The following PTPRD variants were observed in gnomAD, a reference collection of about 807,000 sequenced individuals.
The protein encoded by PTPRD is receptor-type tyrosine-protein phosphatase delta.
A neutral mutation model predicts 214.5 loss-of-function variants in PTPRD; 34 were observed. That is an observed-to-expected ratio of 0.16 (90% CI 0.12 to 0.21). PTPRD has a LOEUF of 0.21. Among genes scored for constraint, PTPRD ranks in the 10% least tolerant of loss-of-function variants. The pLI is 1.00. For missense variants in PTPRD, 2,545 were observed against 2,398.7 expected, an observed-to-expected ratio of 1.06 and a Z score of -1.27; for synonymous variants, 1,128 against 845.7, an observed-to-expected ratio of 1.33 and a Z score of -5.79.
In PTPRD at chr9:10,107,457, A is replaced by G. The variant is rs962587993; in HGVS notation, c.-544-73667T>C. On this transcript the variant is annotated intron_variant, in intron 3 of 45. Coordinates refer to ENST00000381196, the MANE Select transcript of PTPRD (RefSeq NM_002839.4). The stretch of plus-strand genomic sequence containing the variant: ...AAGCAGCCCTGGAATTGCCGTTAGA[A>G]TGACCCCCAGAGTTTATTGATTAAC... Among the ~76,000 whole-genome samples the G allele has an allele frequency of 3.9e-5, 6 of 152,028 alleles. 1 individual carries two copies. The highest frequency in any genetic ancestry group is 2.0e-4 in the Admixed American group (3 of 15,252).
At position 10,064,555 on chromosome 9, in the gene PTPRD, A is replaced by G. The variant is rs79947180; in HGVS notation, c.-544-30765T>C. Among the ~76,000 whole-genome samples, 112 of 152,054 alleles carry G rather than the reference A, an allele frequency of 7.4e-4. No individual in the cohort carries two copies. The East Asian group carries it at 0.015, about 21-fold the overall frequency. On this transcript the variant is annotated intron_variant, in intron 3 of 45. Transcript: ENST00000381196. ...GTCTATCATTTTAAGCACCATCATCACAAATTCTACAAGCCTGAACCTCTC... is the reference window on the plus strand; with the variant it reads ...GTCTATCATTTTAAGCACCATCATCGCAAATTCTACAAGCCTGAACCTCTC...
chr9:9,822,121 A>G (rs2050963161), intron 5 of PTPRD, among the ~76,000 whole-genome samples: 1 of 151,358 alleles, frequency 6.6e-6, no homozygotes, highest in African/African-American at 2.4e-5. Context: ...TTATAAATAT[A>G]GATAGAATAG....
chr9:9,068,502 A>G (rs1050846982), intron 10 of PTPRD, among the ~76,000 whole-genome samples: 3 of 151,704 alleles, frequency 2.0e-5, no homozygotes, highest in Non-Finnish European at 4.4e-5. Flanking sequence ...TCTGACATTC[A>G]CTATCATCTA....
intron 36 of PTPRD, among the ~76,000 whole-genome samples, chr9:8,391,417 T>C (rs560711985): frequency 2.6e-5 from 4 of 152,214 alleles, no homozygotes; most frequent in Admixed American, 2.0e-4. Context: ...CAAGAAGCAG[T>C]TGGGGTTTTG....
At chr9:9,459,530 A>G (rs1303602926) in intron 8 of PTPRD, among the ~76,000 whole-genome samples, 1 of 152,124 alleles carries the variant, frequency 6.6e-6, no homozygotes, top group East Asian at 1.9e-4. Context: ...TTAATACACA[A>G]AAATCAATTC....
intron 4 of PTPRD, among the ~76,000 whole-genome samples, chr9:10,001,757 C>T (rs768673391): frequency 1.6e-4 from 25 of 152,000 alleles, no homozygotes; most frequent in African/African-American, 2.9e-4. Flanking sequence ...TAAAGGAATT[C>T]GTCACTAGTA....
chr9:8,994,299 T>C lies in PTPRD; in HGVS notation c.-104+24398A>G, dbSNP rs77551961. 7.2e-3 allele frequency among the ~76,000 whole-genome samples: 1,104 copies of C among 152,276 alleles called. 13 individuals are homozygous for C. Among genetic ancestry groups the C allele is most frequent in the African/African-American group, 0.025 (1,045 of 41,580 alleles). On this transcript the variant is annotated intron_variant, in intron 11 of 45. Transcript: ENST00000381196. ...AAGGAATGACATGGTCAGCTTCTCA[T>C]ACTATGATGTGATTTAGTTAGTTCT...
intron 9 of PTPRD, among the ~76,000 whole-genome samples, chr9:9,280,443 TAA>T (rs1234705989): frequency 1.3e-5 from 2 of 151,378 alleles, no homozygotes; most frequent in East Asian, 2.0e-4. Flanking sequence ...TTGCAGAATA[TAA>T]GACTAATTTA....
chr9:8,671,477 T>C (rs992735415), intron 12 of PTPRD, among the ~76,000 whole-genome samples: 5 of 152,192 alleles, frequency 3.3e-5, no homozygotes, highest in Non-Finnish European at 5.9e-5. Context: ...TTAAAGCTTA[T>C]TGCTGTAAGT....
chr9:10,416,096 C>T (rs2098484333), intron 2 of PTPRD, among the ~76,000 whole-genome samples: 1 of 151,494 alleles, frequency 6.6e-6, no homozygotes, highest in South Asian at 2.1e-4. Context: ...GCCTGTAATC[C>T]CAGTACTTTG....
At chr9:8,675,016 TTTAAG>T (rs886168297) in intron 12 of PTPRD, among the ~76,000 whole-genome samples, 1 of 152,184 alleles carries the variant, frequency 6.6e-6, no homozygotes, top group Non-Finnish European at 1.5e-5. Context: ...TTTTTTTCCT[TTTAAG>T]TTTTCTCTCC....
chr9:9,731,993 C>T (rs1033120283), intron 7 of PTPRD, among the ~76,000 whole-genome samples: 2 of 152,042 alleles, frequency 1.3e-5, no homozygotes, highest in African/African-American at 2.4e-5. Flanking sequence ...AGGTAAAGTG[C>T]TATGCTTTGT....
intron 43 of PTPRD, among the ~76,000 whole-genome samples, chr9:8,335,714 C>T (rs145710346): frequency 6.6e-6 from 1 of 152,262 alleles, no homozygotes; most frequent in African/African-American, 2.4e-5. Context: ...TCTCTGTTTG[C>T]AGATGACATG....
rs569582908 is a variant in PTPRD at position 9,276,316 on chromosome 9, T to C, written c.-202-92953A>G. ...GCAGAAGAAATAATATATTGTATAA[T>C]TGCTCTTTATTACAAATTTGTAATT... On this transcript the variant is annotated intron_variant, in intron 9 of 45. Coordinates refer to ENST00000381196, the MANE Select transcript of PTPRD (RefSeq NM_002839.4). 2.1e-4 allele frequency among the ~76,000 whole-genome samples: 32 copies of C among 151,520 alleles called. 1 individual carries two copies. The highest frequency in any genetic ancestry group is 4.1e-4 in the South Asian group (2 of 4,822).
chr9:8,983,376 A>G (rs2099323592), intron 11 of PTPRD, among the ~76,000 whole-genome samples: 1 of 152,100 alleles, frequency 6.6e-6, no homozygotes, highest in Non-Finnish European at 1.5e-5. Context: ...CTCAATTTAT[A>G]ATTTTCCACC....
At chr9:8,779,627 C>A (rs2095615555) in intron 11 of PTPRD, among the ~76,000 whole-genome samples, 3 of 152,194 alleles carry the variant, frequency 2.0e-5, no homozygotes, top group Admixed American at 2.0e-4. Flanking sequence ...CTCACACACA[C>A]AGAGCCAGAG....
intron 3 of PTPRD, among the ~76,000 whole-genome samples, chr9:10,210,796 C>CATATATATAT (rs35136618): frequency 0.027 from 2,044 of 75,168 alleles, 10 homozygotes; most frequent in Non-Finnish European, 0.034. Context: ...CAAAAAACTT[C>CATATATATAT]ATATATATAT....
intron 11 of PTPRD, among the ~76,000 whole-genome samples, chr9:8,984,795 C>G (rs1013660521): frequency 6.6e-6 from 1 of 152,076 alleles, no homozygotes; most frequent in African/African-American, 2.4e-5. Context: ...GAATGTACCT[C>G]TGAAAAGCAT....
intron 5 of PTPRD, among the ~76,000 whole-genome samples, chr9:9,881,777 CT>C (rs1194055946): frequency 6.6e-6 from 1 of 152,124 alleles, no homozygotes; most frequent in Non-Finnish European, 1.5e-5. Context: ...ATATCATTTG[CT>C]TTAGCCAATG....
Sources: allele counts gnomAD v4.1 joint callset (sites outside exome capture counted in the v4.1 genomes callset), GRCh38; gene constraint gnomAD v4.1.1; transcripts MANE v1.5; gene names NCBI Gene and HGNC (gene_info 2026-07-23, HGNC 2026-07-21).